PDE10A: variants seen among roughly 807,000 people sequenced by gnomAD.
The protein encoded by PDE10A is phosphodiesterase 10A.
A neutral mutation model predicts 97.7 loss-of-function variants in PDE10A; 39 were observed. The ratio of observed to expected loss-of-function variants is 0.40; its 90% confidence interval spans 0.31 to 0.52. PDE10A has a LOEUF of 0.52. Among genes scored for constraint, PDE10A ranks in the 20% least tolerant of loss-of-function variants. The probability of loss-of-function intolerance (pLI) is 0.56; values close to 1 mark genes in which losing one functional copy is unlikely to be tolerated. For missense variants in PDE10A, 731 were observed against 1,047.8 expected, an observed-to-expected ratio of 0.70 and a Z score of 4.17; for synonymous variants, 371 against 376.8, an observed-to-expected ratio of 0.98 and a Z score of 0.18.
At chr6:165,394,033 C>T (rs1181852745) in intron 15 of PDE10A, among the ~76,000 whole-genome samples, 3 of 151,150 alleles carry the variant, frequency 2.0e-5, no homozygotes, top group Non-Finnish European at 4.4e-5. Context: ...AAAGTTGATG[C>T]TAAATTTACA....
At chr6:165,650,895 A>G (rs543877511) in intron 1 of PDE10A, among the ~76,000 whole-genome samples, 1 of 151,976 alleles carries the variant, frequency 6.6e-6, no homozygotes, top group African/African-American at 2.4e-5. Context: ...GTGCCACCGC[A>G]CCCAGCTACT....
intron 1 of PDE10A, among the ~76,000 whole-genome samples, chr6:165,619,321 GGTGTAGTGTAGTGTA>G (rs1331637555): frequency 0.054 from 2,170 of 40,528 alleles, 173 homozygotes; most frequent in African/African-American, 0.22. Context: ...AGTCTAGTGT[GGTGTAGTGTAGTGTA>G]GTGTAGTCTA....
chr6:165,937,075 A>AT (rs747203405), intron 1 of PDE10A, among the ~76,000 whole-genome samples: 70 of 152,056 alleles, frequency 4.6e-4, no homozygotes, highest in Non-Finnish European at 9.3e-4. Flanking sequence ...GACCATGACA[A>AT]TTTTTTTGCC....
At chr6:165,776,514 T>C (rs532068273) in intron 1 of PDE10A, among the ~76,000 whole-genome samples, 43 of 152,362 alleles carry the variant, frequency 2.8e-4, no homozygotes, top group Non-Finnish European at 3.7e-4. Context: ...GAGCTGTTTT[T>C]GATATGCATA....
At chr6:165,451,166 C>T (rs550599970) in intron 3 of PDE10A, among the ~76,000 whole-genome samples, 3 of 152,194 alleles carry the variant, frequency 2.0e-5, no homozygotes, top group East Asian at 1.9e-4. Flanking sequence ...AAGAGTTAGG[C>T]GCTTGCACTG....
intron 1 of PDE10A, among the ~76,000 whole-genome samples, chr6:165,605,052 T>C (rs1787143572): frequency 6.6e-6 from 1 of 152,182 alleles, no homozygotes; most frequent in African/African-American, 2.4e-5. Context: ...CCTCACTCTT[T>C]ACATTTTACC....
At chr6:165,619,491 A>AGTGTGGTGTG in intron 1 of PDE10A, among the ~76,000 whole-genome samples, 2 of 128,316 alleles carry the variant, frequency 1.6e-5, no homozygotes, top group East Asian at 2.1e-4. Context: ...AGTGTAGTCT[A>AGTGTGGTGTG]GTGTAGTCTA....
chr6:165,926,553 G>A (rs1277762272), intron 1 of PDE10A, among the ~76,000 whole-genome samples: 4 of 152,128 alleles, frequency 2.6e-5, no homozygotes, highest in Admixed American at 2.0e-4. Context: ...GGTTAGATTG[G>A]ACACACCCTA....
chr6:165,366,900 A>T (rs1783807033), intron 18 of PDE10A, among the ~76,000 whole-genome samples: 1 of 152,228 alleles, frequency 6.6e-6, no homozygotes, highest in Admixed American at 6.5e-5. Flanking sequence ...TCAGAGAAAG[A>T]CAAGAGCATC....
intron 1 of PDE10A, among the ~76,000 whole-genome samples, chr6:165,605,264 AAAAC>A (rs985621003): frequency 9.9e-5 from 15 of 152,012 alleles, no homozygotes; most frequent in East Asian, 9.6e-4. Flanking sequence ...AACAAAACAA[AAAAC>A]AAACAAACAA....
At chr6:165,354,336 C>T (rs907043212) in intron 18 of PDE10A, among the ~76,000 whole-genome samples, 7 of 152,108 alleles carry the variant, frequency 4.6e-5, no homozygotes, top group South Asian at 2.1e-4. Context: ...AAAGAACAAC[C>T]AGCAGTGGAG....
intron 1 of PDE10A, among the ~76,000 whole-genome samples, chr6:165,888,517 CTCA>C (rs1781691938): frequency 6.6e-6 from 1 of 151,834 alleles, no homozygotes. Flanking sequence ...ATCTCCTGAC[CTCA>C]TGCTCCACCC....
chr6:165,534,463 C>T (rs1358981535), intron 2 of PDE10A, among the ~76,000 whole-genome samples: 1 of 151,962 alleles, frequency 6.6e-6, no homozygotes, highest in Non-Finnish European at 1.5e-5. Flanking sequence ...CCAGCATTAT[C>T]CTGATTCCAA....
At chr6:165,400,555 A>G (rs1447786077) in intron 13 of PDE10A, among the ~76,000 whole-genome samples, 1 of 152,250 alleles carries the variant, frequency 6.6e-6, no homozygotes, top group Non-Finnish European at 1.5e-5. Context: ...ACACTTCACC[A>G]AAGATGGTGT....
At chr6:165,642,002 G>C in intron 1 of PDE10A, among the ~76,000 whole-genome samples, 1 of 128,640 alleles carries the variant, frequency 7.8e-6, no homozygotes, top group East Asian at 2.4e-4. Flanking sequence ...CCCATTCGGG[G>C]CGTGGAATCA....
rs1360609251 is a variant in PDE10A at position 165,329,085 on chromosome 6, T to C, written c.*3940A>G. The C allele has an allele frequency of 1.3e-5, 2 of 152,196 alleles. No homozygotes were observed. The highest frequency in any genetic ancestry group is 2.9e-5 in the Non-Finnish European group (2 of 68,030). 9.4% of individuals were successfully genotyped at this position (152,196 alleles called of 1,614,324 possible). On this transcript the variant is annotated 3_prime_UTR_variant, in exon 22 of 22. Coordinates refer to ENST00000539869, the MANE Select transcript of PDE10A (RefSeq NM_001385079.1). ...CTAAATGAATATAGTCTTTAAAGAATTAAATCCTAAATAAAATCTGCAAAG... is the reference window on the plus strand; with the variant it reads ...CTAAATGAATATAGTCTTTAAAGAACTAAATCCTAAATAAAATCTGCAAAG...
intron 1 of PDE10A, among the ~76,000 whole-genome samples, chr6:165,893,688 A>G (rs978182179): frequency 6.6e-6 from 1 of 152,108 alleles, no homozygotes; most frequent in African/African-American, 2.4e-5. Flanking sequence ...GTATACCCAC[A>G]TATTCGTATA....
chr6:165,982,211 C>T (rs1030588071), intron 1 of PDE10A, among the ~76,000 whole-genome samples: 2 of 152,246 alleles, frequency 1.3e-5, no homozygotes, highest in South Asian at 4.2e-4. Flanking sequence ...TGAAGGAACG[C>T]GTGAGTCGGT....
chr6:165,567,120 C>T (rs1207129349), intron 1 of PDE10A, among the ~76,000 whole-genome samples: 1 of 151,968 alleles, frequency 6.6e-6, no homozygotes, highest in Non-Finnish European at 1.5e-5. Flanking sequence ...ATAATGAGAA[C>T]AAACTATTCA....
Sources: allele counts gnomAD v4.1 joint callset (sites outside exome capture counted in the v4.1 genomes callset), GRCh38; gene constraint gnomAD v4.1.1; transcripts MANE v1.5; gene names NCBI Gene and HGNC (gene_info 2026-07-23, HGNC 2026-07-21).